AVEN: variants seen among roughly 807,000 people sequenced by gnomAD.
AVEN encodes the protein cell death regulator Aven.
A neutral mutation model predicts 38.1 loss-of-function variants in AVEN; 41 were observed. That is an observed-to-expected ratio of 1.08 (90% CI 0.84 to 1.40). AVEN has a LOEUF of 1.40. Ranked by LOEUF, AVEN falls within the 40% of genes most tolerant of loss-of-function variation. AVEN has a pLI of 0.00. For missense variants in AVEN, 605 were observed against 438.8 expected (o/e 1.38, Z -3.38); for synonymous variants, 206 against 171.8 (o/e 1.20, Z -1.56).
At position 33,895,327 on chromosome 15, in the gene AVEN, C is replaced by CTT. The variant is rs11418301; in HGVS notation, c.446-19334_446-19333dup. Among the ~76,000 whole-genome samples the CTT allele has an allele frequency of 4.3e-3, 612 of 141,000 alleles. 5 individuals carry two copies. The highest frequency in any genetic ancestry group is 0.013 in the African/African-American group (512 of 38,852). The allele number at this position is 141,000 out of a possible 152,430, so 92.5% of individuals were successfully genotyped here. A position where few individuals can be genotyped will look rare whatever the true frequency, so the allele number is the denominator to read the frequency against. ...CACTGTTTTCAATGCAACTATATTT[C>CTT]TTTTTTTTTTTTTTAAGAGACAGGG... On this transcript the variant is annotated intron_variant, in intron 2 of 5. Transcript: ENST00000306730.
intron 2 of AVEN, among the ~76,000 whole-genome samples, chr15:33,980,356 G>A (rs373080586): frequency 6.6e-6 from 1 of 152,142 alleles, no homozygotes; most frequent in Non-Finnish European, 1.5e-5. Context: ...AGACCTCAGT[G>A]CAACAGCCTG....
chr15:33,995,337 A>G (rs1370582812), intron 2 of AVEN, among the ~76,000 whole-genome samples: 3 of 152,248 alleles, frequency 2.0e-5, no homozygotes, highest in African/African-American at 7.2e-5. Context: ...AAAAAATAAT[A>G]CAGTATAACT....
At chr15:33,912,777 C>T (rs1315136162) in intron 2 of AVEN, among the ~76,000 whole-genome samples, 1 of 152,162 alleles carries the variant, frequency 6.6e-6, no homozygotes, top group Non-Finnish European at 1.5e-5. Context: ...AAACTGAGTC[C>T]CTATAAGCCA....
chr15:34,018,932 G>GT (rs554558467), intron 1 of AVEN, among the ~76,000 whole-genome samples: 79 of 152,088 alleles, frequency 5.2e-4, no homozygotes, highest in South Asian at 8.3e-4. Flanking sequence ...GCTGATTGGT[G>GT]TTTTTTACAA....
intron 11 of AVEN, among the ~76,000 whole-genome samples, chr15:33,860,225 G>GTAAC (rs995342911): frequency 1.6e-4 from 24 of 152,354 alleles, no homozygotes; most frequent in Non-Finnish European, 3.1e-4. Flanking sequence ...AAGAAGTGAA[G>GTAAC]TAACTGAGGA....
At chr15:34,030,546 T>C (rs1898736668) in intron 1 of AVEN, among the ~76,000 whole-genome samples, 1 of 152,000 alleles carries the variant, frequency 6.6e-6, no homozygotes, top group African/African-American at 2.4e-5. Context: ...CAGGGTTTCA[T>C]TGTGTTAGGC....
intron 2 of AVEN, among the ~76,000 whole-genome samples, chr15:33,983,233 T>C (rs539869646): frequency 0.22 from 25,632 of 115,470 alleles, 4,762 homozygotes; most frequent in African/African-American, 0.49. Flanking sequence ...TACACACACA[T>C]ACACACACAC....
the AVEN span, chr15:33,853,015 A>C: frequency 4.4e-6 from 7 of 1,590,732 alleles, no homozygotes; most frequent in East Asian, 1.6e-4. Context: ...TTAAGAATGA[A>C]GAACCAACCT....
At chr15:33,979,809 G>T (rs535142875) in intron 2 of AVEN, among the ~76,000 whole-genome samples, 6 of 152,242 alleles carry the variant, frequency 3.9e-5, no homozygotes, top group African/African-American at 1.4e-4. Flanking sequence ...GAGCTCCAGT[G>T]GTCAAGAAAA....
intron 1 of AVEN, among the ~76,000 whole-genome samples, chr15:34,035,369 T>A (rs1192398468): frequency 1.3e-5 from 2 of 152,168 alleles, no homozygotes; most frequent in African/African-American, 4.8e-5. Context: ...ATAACCATAC[T>A]AACATATCAG....
intron 2 of AVEN, among the ~76,000 whole-genome samples, chr15:33,893,527 C>T (rs1892080646): frequency 6.6e-6 from 1 of 152,168 alleles, no homozygotes; most frequent in South Asian, 2.1e-4. Context: ...CACCCCAGTA[C>T]TCCAGCTTGG....
chr15:33,969,900 A>G (rs1442311842), intron 2 of AVEN, among the ~76,000 whole-genome samples: 1 of 152,058 alleles, frequency 6.6e-6, no homozygotes, highest in African/African-American at 2.4e-5. Flanking sequence ...AGTGCCTTTA[A>G]GAAATTCCCT....
intron 2 of AVEN, among the ~76,000 whole-genome samples, chr15:33,892,442 T>C (rs1272810458): frequency 6.6e-6 from 1 of 152,078 alleles, no homozygotes; most frequent in Non-Finnish European, 1.5e-5. Flanking sequence ...GCTTTCTACA[T>C]ATGGCTAGCC....
the AVEN span, chr15:33,853,093 C>G: frequency 6.3e-7 from 1 of 1,586,586 alleles, no homozygotes; most frequent in East Asian, 2.3e-5. Flanking sequence ...GAAAGGTATG[C>G]CTTGTTAGTG....
chr15:33,932,790 A>G (rs142913490), intron 2 of AVEN, among the ~76,000 whole-genome samples: 2 of 152,114 alleles, frequency 1.3e-5, no homozygotes, highest in Admixed American at 1.3e-4. Context: ...GTGCCATTGC[A>G]CTCCAGCCTG....
At chr15:34,051,574 A>G (rs1418671203) in intron 5 of AVEN, among the ~76,000 whole-genome samples, 1 of 151,944 alleles carries the variant, frequency 6.6e-6, no homozygotes, top group Non-Finnish European at 1.5e-5. Flanking sequence ...GAAAATAGGT[A>G]AAATAGATAA....
At chr15:34,069,386 A>G (rs1237003224) in intron 2 of AVEN, among the ~76,000 whole-genome samples, 4 of 152,260 alleles carry the variant, frequency 2.6e-5, no homozygotes, top group Non-Finnish European at 5.9e-5. Context: ...TGGGAGGCGG[A>G]GGTTGAAGTG....
chr15:33,983,170 G>GTGTGTGTA (rs796742277), intron 2 of AVEN, among the ~76,000 whole-genome samples: 2 of 126,488 alleles, frequency 1.6e-5, no homozygotes, highest in Admixed American at 8.5e-5. Context: ...ATGTGTGTGT[G>GTGTGTGTA]TATATATACA....
chr15:33,894,034 C>T (rs180792355), intron 2 of AVEN, among the ~76,000 whole-genome samples: 2 of 151,630 alleles, frequency 1.3e-5, no homozygotes, highest in Admixed American at 1.3e-4. Context: ...ACTGCAACCT[C>T]CACCTCCTGG....
Sources: gnomAD v4.1 joint callset for allele counts (sites outside exome capture counted in the v4.1 genomes callset) on GRCh38, gnomAD v4.1.1 for gene constraint, MANE v1.5 for transcripts, NCBI Gene and HGNC (gene_info 2026-07-23, HGNC 2026-07-21) for gene names.